The following CCDC83 variants were observed in gnomAD, a reference collection of about 807,000 sequenced individuals.
CCDC83 encodes the protein coiled-coil domain containing 83.
A neutral mutation model predicts 50.1 loss-of-function variants in CCDC83; 54 were observed. The ratio of observed to expected loss-of-function variants is 1.08; its 90% CI spans 0.87 to 1.35. CCDC83 has a LOEUF of 1.35. Ranked by LOEUF, CCDC83 falls within the 40% of genes most tolerant of loss-of-function variation. The pLI, the probability that CCDC83 is intolerant of heterozygous loss-of-function variation, is 0.00. For missense variants in CCDC83, 518 were observed against 473.9 expected (o/e 1.09, Z -0.86); for synonymous variants, 161 against 153.3 (o/e 1.05, Z -0.37).
intron 2 of CCDC83, 42 bp downstream of exon 2, chr11:85,865,260 A>G: frequency 8.3e-7 from 1 of 1,203,920 alleles, no homozygotes; most frequent in East Asian, 2.3e-5. Flanking sequence ...CATAGATAAA[A>G]GGCAGTCATT....
intron 3 of CCDC83, among the ~76,000 whole-genome samples, chr11:85,878,345 T>C (rs982033904): frequency 3.3e-5 from 5 of 152,232 alleles, no homozygotes; most frequent in Admixed American, 2.6e-4. Flanking sequence ...CTCCCAGTTC[T>C]GCCCCCTCAT....
intron 3 of CCDC83, among the ~76,000 whole-genome samples, chr11:85,875,048 G>T (rs1681893452): frequency 6.6e-6 from 1 of 152,222 alleles, no homozygotes; most frequent in Non-Finnish European, 1.5e-5. Context: ...TGATGAAACA[G>T]CTTTTAGCAG....
intron 5 of CCDC83, among the ~76,000 whole-genome samples, chr11:85,888,605 T>C (rs551902100): frequency 1.3e-5 from 2 of 152,340 alleles, no homozygotes; most frequent in East Asian, 1.9e-4. Context: ...GAAGAAATGA[T>C]GTGCTTTTAA....
intron 1 of CCDC83, among the ~76,000 whole-genome samples, chr11:85,862,499 A>T (rs909403321): frequency 6.6e-6 from 1 of 152,186 alleles, no homozygotes; most frequent in Non-Finnish European, 1.5e-5. Context: ...CTGTCTTCCT[A>T]TCTGTCTGAG....
intron 3 of CCDC83, among the ~76,000 whole-genome samples, chr11:85,877,446 G>A (rs948308110): frequency 6.6e-6 from 1 of 152,004 alleles, no homozygotes; most frequent in Non-Finnish European, 1.5e-5. Context: ...ACTCCAGCTT[G>A]GGCAACAGAC....
intron 2 of CCDC83, among the ~76,000 whole-genome samples, chr11:85,870,873 A>T (rs1301855460): frequency 6.6e-6 from 1 of 152,136 alleles, no homozygotes; most frequent in East Asian, 1.9e-4. Context: ...GTTGTTCAAA[A>T]TTATCTCTGT....
intron 5 of CCDC83, among the ~76,000 whole-genome samples, chr11:85,892,818 T>A (rs975893995): frequency 6.6e-6 from 1 of 152,224 alleles, no homozygotes; most frequent in Non-Finnish European, 1.5e-5. Context: ...ATTAAAATAT[T>A]CATGAGATTA....
At chr11:85,855,922 C>T (rs540262930) in intron 1 of CCDC83, among the ~76,000 whole-genome samples, 1 of 152,260 alleles carries the variant, frequency 6.6e-6, no homozygotes, top group African/African-American at 2.4e-5. Context: ...AATGCTCTTC[C>T]GCTGTAGGTA....
intron 7 of CCDC83, among the ~76,000 whole-genome samples, chr11:85,907,882 C>A (rs2093432678): frequency 6.6e-6 from 1 of 152,178 alleles, no homozygotes; most frequent in Non-Finnish European, 1.5e-5. Context: ...ACCTCCCAAG[C>A]ATGCCAGGCC....
rs918336845 is a variant in CCDC83 at position 85,904,168 on chromosome 11, T to C, written c.672+5153T>C. On this transcript the variant is annotated intron_variant, in intron 7 of 10. Coordinates refer to ENST00000342404, the MANE Select transcript of CCDC83 (RefSeq NM_001286159.2). ...GTTCTTGACTGCTTTTTTAAAAAAA[T>C]AAACTTTTAAAATCAGTTTTAAATT... 3.0e-4 allele frequency among the ~76,000 whole-genome samples: 45 copies of C among 152,294 alleles called. 1 individual carries two copies. The highest frequency in any genetic ancestry group is 9.6e-4 in the African/African-American group (40 of 41,576).
chr11:85,900,231 T>C lies in CCDC83; in HGVS notation c.672+1216T>C, dbSNP rs76665369. ...TCTGAATAGGGAGCATCTGTATCAG[T>C]AAGCATCTGCCATCACCCTCTACAA... is the stretch of plus-strand genomic sequence containing the variant. On this transcript the variant is annotated intron_variant, in intron 7 of 10. Transcript: ENST00000342404. 1.8e-3 allele frequency among the ~76,000 whole-genome samples: 281 copies of C among 152,328 alleles called. 4 individuals carry two copies. Among genetic ancestry groups the C allele is most frequent in the African/African-American group, 6.5e-3 (269 of 41,588 alleles).
intron 1 of CCDC83, among the ~76,000 whole-genome samples, chr11:85,864,398 C>T (rs1259542877): frequency 6.6e-6 from 1 of 152,160 alleles, no homozygotes; most frequent in Non-Finnish European, 1.5e-5. Flanking sequence ...CCAAACCAAA[C>T]CTATGAAAGT....
At chr11:85,864,989 A>G in intron 1 of CCDC83, 107 bp from the exon 2 acceptor site, 1 of 637,998 alleles carries the variant, frequency 1.6e-6, no homozygotes, top group Non-Finnish European at 2.8e-6. Flanking sequence ...GGAAGCAATC[A>G]GGATAGAAAG....
At chr11:85,873,345 A>G in intron 3 of CCDC83, 50 bp downstream of exon 3, 1 of 694,900 alleles carries the variant, frequency 1.4e-6, no homozygotes, top group Non-Finnish European at 2.3e-6. Flanking sequence ...ATTTACACTC[A>G]TGCTTTAAAA....
chr11:85,907,693 A>C (rs2093431803), intron 7 of CCDC83, among the ~76,000 whole-genome samples: 1 of 152,190 alleles, frequency 6.6e-6, no homozygotes, highest in South Asian at 2.1e-4. Context: ...TATGAAAAAG[A>C]AGTAGTTTTT....
At chr11:85,896,317 C>T (rs2093375029) in intron 6 of CCDC83, among the ~76,000 whole-genome samples, 1 of 141,832 alleles carries the variant, frequency 7.1e-6, no homozygotes, top group African/African-American at 2.6e-5. Flanking sequence ...GGAAGGATTG[C>T]TTGAGCCCAG....
chr11:85,888,833 T>G (rs78051839), intron 5 of CCDC83, among the ~76,000 whole-genome samples: 2,054 of 152,320 alleles, frequency 0.013, 20 homozygotes, highest in African/African-American at 0.028. Flanking sequence ...GTGCTAACTT[T>G]ATTATACTTT....
At chr11:85,907,944 T>G (rs1383404625) in intron 7 of CCDC83, among the ~76,000 whole-genome samples, 1 of 152,212 alleles carries the variant, frequency 6.6e-6, no homozygotes, top group Non-Finnish European at 1.5e-5. Flanking sequence ...GTTTACAGTG[T>G]CTAACTATAG....
intron 5 of CCDC83, among the ~76,000 whole-genome samples, chr11:85,892,568 T>C (rs777884201): frequency 5.3e-5 from 8 of 152,228 alleles, no homozygotes; most frequent in Non-Finnish European, 1.0e-4. Context: ...AGAGTGTATT[T>C]GATAATCTAT....
Sources: allele counts gnomAD v4.1 joint callset (sites outside exome capture counted in the v4.1 genomes callset), GRCh38; gene constraint gnomAD v4.1.1; transcripts MANE v1.5; gene names NCBI Gene and HGNC (gene_info 2026-07-23, HGNC 2026-07-21).